The following TENM2 variants were observed in gnomAD, a reference collection of about 807,000 sequenced individuals.
TENM2 encodes the protein teneurin transmembrane protein 2.
A neutral mutation model predicts 245.2 loss-of-function variants in TENM2; 52 were observed. The ratio of observed to expected loss-of-function variants is 0.21; its 90% CI spans 0.17 to 0.27. The LOEUF is 0.27. Ranked by LOEUF, TENM2 falls within the 10% of genes least tolerant of loss-of-function variation. The pLI is 1.00. For synonymous variants in TENM2, 1,363 were observed against 1,438.9 expected (o/e 0.95, Z 1.19); for missense variants, 3,046 against 3,666.8 (o/e 0.83, Z 4.37).
Position 168,162,769 on chromosome 5 carries a change from T to TCC in TENM2, c.2569+13_2569+14insCC. ...GGATAATGAGGGAGGTGAGCACGCGTCTTCTCATTCCCAGCCCCTAAGAGC... is the reference window on the plus strand; with the variant it reads ...GGATAATGAGGGAGGTGAGCACGCGTCCCTTCTCATTCCCAGCCCCTAAGAGC... On this transcript the variant is annotated intron_variant, in intron 13 of 28. Coordinates refer to ENST00000518659, the Ensembl canonical transcript of TENM2. 6.2e-7 allele frequency: 1 copy of TCC among 1,613,182 alleles called. No homozygotes were observed. The highest frequency in any genetic ancestry group is 1.1e-5 in the South Asian group (1 of 91,030).
At chr5:167,891,461 A>G (rs1334837302) in intron 3 of TENM2, among the ~76,000 whole-genome samples, 1 of 152,106 alleles carries the variant, frequency 6.6e-6, no homozygotes, top group Non-Finnish European at 1.5e-5. Flanking sequence ...AGTACATACA[A>G]TTAGGAGGAA....
chr5:168,199,441 A>G (rs529968491), intron 16 of TENM2, among the ~76,000 whole-genome samples: 2 of 152,330 alleles, frequency 1.3e-5, no homozygotes, highest in African/African-American at 2.4e-5. Context: ...AATGATCTAC[A>G]TCGGTGTTAC....
intron 2 of TENM2, among the ~76,000 whole-genome samples, chr5:167,630,826 G>A (rs1342400540): frequency 6.6e-6 from 1 of 152,210 alleles, no homozygotes; most frequent in Non-Finnish European, 1.5e-5. Flanking sequence ...TCTGTGCATA[G>A]CTTTTCTCTC....
At chr5:168,045,545 T>G (rs1000232515) in intron 5 of TENM2, among the ~76,000 whole-genome samples, 9 of 152,148 alleles carry the variant, frequency 5.9e-5, no homozygotes, top group African/African-American at 2.2e-4. Context: ...CTTTGCCTGA[T>G]GGGACCCACC....
chr5:167,192,107 C>T, the TENM2 span, among the ~76,000 whole-genome samples: 2 of 152,002 alleles, frequency 1.3e-5, no homozygotes, highest in East Asian at 3.9e-4. Flanking sequence ...GTACAGAAAG[C>T]TGTGTTCAGT....
chr5:167,003,147 T>C, the TENM2 span, among the ~76,000 whole-genome samples: 1 of 152,308 alleles, frequency 6.6e-6, no homozygotes, highest in East Asian at 1.9e-4. Context: ...TTTGTTTAAA[T>C]TGGTTTACTT....
At chr5:168,215,806 C>T (rs1763142378) in intron 21 of TENM2, among the ~76,000 whole-genome samples, 1 of 152,242 alleles carries the variant, frequency 6.6e-6, no homozygotes, top group African/African-American at 2.4e-5. Flanking sequence ...GAAATCCTGG[C>T]TCCATGGGCC....
intron 1 of TENM2, among the ~76,000 whole-genome samples, chr5:167,293,368 A>AATT (rs764307053): frequency 7.7e-6 from 1 of 130,542 alleles, no homozygotes; most frequent in African/African-American, 2.9e-5. Flanking sequence ...TGTCCGGCTA[A>AATT]TTTTTTTTTT....
intron 13 of TENM2, among the ~76,000 whole-genome samples, chr5:168,163,472 G>T (rs541836362): frequency 1.2e-4 from 19 of 152,300 alleles, no homozygotes; most frequent in Non-Finnish European, 2.6e-4. Flanking sequence ...AGGTATAATT[G>T]ACATATAAAA....
intron 1 of TENM2, among the ~76,000 whole-genome samples, chr5:167,322,911 A>G (rs2127774622): frequency 6.6e-6 from 1 of 152,376 alleles, no homozygotes; most frequent in Admixed American, 6.5e-5. Flanking sequence ...TAAGCATCTC[A>G]TAAATAGCGG....
In TENM2 at chr5:168,260,419, CA is replaced by C. The variant is rs775108188; in HGVS notation, c.7563+7del. The C allele has an allele frequency of 5.0e-6, 8 of 1,613,284 alleles. No homozygotes were observed. Among genetic ancestry groups the C allele is most frequent in the Non-Finnish European group, 6.8e-6 (8 of 1,179,576 alleles). On this transcript the variant is annotated splice_region_variant and intron_variant, in intron 28 of 28. Transcript: ENST00000518659. The stretch of plus-strand genomic sequence containing the variant: ...AAGCAAGTGAGAATGGACAGGTAAG[CA>C]GAGGTTCCTGCCAAGAATCCAAATG...
chr5:167,409,943 CA>C (rs1337251572), intron 2 of TENM2, among the ~76,000 whole-genome samples: 1 of 151,738 alleles, frequency 6.6e-6, no homozygotes, highest in African/African-American at 2.4e-5. Context: ...AGGAAAGTAT[CA>C]AAAAATTAGG....
the TENM2 span, among the ~76,000 whole-genome samples, chr5:167,011,936 A>G: frequency 2.2e-4 from 34 of 152,266 alleles, 2 homozygotes; most frequent in African/African-American, 8.2e-4. Flanking sequence ...ACTAAGGCAT[A>G]TTGTCGTGTA....
chr5:167,290,445 C>T (rs1322694111), intron 1 of TENM2, among the ~76,000 whole-genome samples: 1 of 152,130 alleles, frequency 6.6e-6, no homozygotes, highest in South Asian at 2.1e-4. Flanking sequence ...CAGTTATTGT[C>T]ACTTTAACCC....
At chr5:167,550,129 C>G (rs150137150) in intron 2 of TENM2, among the ~76,000 whole-genome samples, 4 of 152,342 alleles carry the variant, frequency 2.6e-5, no homozygotes, top group Non-Finnish European at 5.9e-5. Context: ...CTCTCCCACT[C>G]TCTTCACTTT....
At chr5:167,229,918 C>T in the TENM2 span, among the ~76,000 whole-genome samples, 2,679 of 152,274 alleles carry the variant, frequency 0.018, 87 homozygotes, top group African/African-American at 0.06. Context: ...ACATTGGGTT[C>T]ACTTTTGCCT....
At chr5:167,532,897 C>T (rs1192397631) in intron 2 of TENM2, among the ~76,000 whole-genome samples, 1 of 151,138 alleles carries the variant, frequency 6.6e-6, no homozygotes, top group African/African-American at 2.4e-5. Flanking sequence ...GAAAGCAAGA[C>T]ATGGGACTAT....
intron 1 of TENM2, among the ~76,000 whole-genome samples, chr5:167,298,361 C>T (rs1002124957): frequency 1.2e-4 from 19 of 152,088 alleles, no homozygotes; most frequent in African/African-American, 1.9e-4. Context: ...CCCAGCACTT[C>T]GGGAGGCCGA....
chr5:167,039,656 T>C, the TENM2 span, among the ~76,000 whole-genome samples: 1 of 152,184 alleles, frequency 6.6e-6, no homozygotes, highest in South Asian at 2.1e-4. Context: ...GATTGGGTGC[T>C]ACCAAAAACA....
Sources: gnomAD v4.1 joint callset for allele counts (sites outside exome capture counted in the v4.1 genomes callset) on GRCh38, gnomAD v4.1.1 for gene constraint, MANE v1.5 for transcripts, NCBI Gene and HGNC (gene_info 2026-07-23, HGNC 2026-07-21) for gene names.